SUCLG2: variants seen among roughly 807,000 people sequenced by gnomAD.
SUCLG2 encodes the protein succinate-CoA ligase GDP-forming subunit beta, also known as succinate--CoA ligase [GDP-forming] subunit beta, mitochondrial.
SUCLG2 carries 42 observed loss-of-function variants against 47.9 expected under a neutral mutation model. The ratio of observed to expected loss-of-function variants is 0.88; its 90% CI spans 0.69 to 1.14. The LOEUF is 1.14. Ranked by LOEUF, SUCLG2 falls within the 50% of genes most tolerant of loss-of-function variation. The pLI is 0.00. For missense variants in SUCLG2, 571 were observed against 525.9 expected (o/e 1.09, Z -0.84); for synonymous variants, 195 against 197.3 (o/e 0.99, Z 0.10).
chr3:67,378,236 G>A (rs775289566), intron 10 of SUCLG2, among the ~76,000 whole-genome samples: 8 of 152,144 alleles, frequency 5.3e-5, no homozygotes, highest in Admixed American at 1.3e-4. Context: ...TGTAGAATCC[G>A]TCCCCCTTGA....
rs1703823359 is a variant in SUCLG2 at position 67,443,302 on chromosome 3, G to T, written c.1063-42451C>A. 9.3e-5 allele frequency among the ~76,000 whole-genome samples: 2 copies of T among 21,452 alleles called. 1 individual carries two copies. The highest frequency in any genetic ancestry group is 2.8e-4 in the African/African-American group (2 of 7,170). The allele number at this position is 21,452 out of a possible 152,430, so 14.1% of individuals were successfully genotyped here. On this transcript the variant is annotated intron_variant, in intron 9 of 10. Transcript: ENST00000307227. ...TAGATCTCGGACCGCCGGGAGGATG[G>T]AGTTCAGCGGGCAGCGGAGCTGTCT... is the stretch of plus-strand genomic sequence containing the variant.
rs1252996294 is a variant in SUCLG2, at chr3:67,654,602, C to G, written c.-16G>C. On this transcript the variant is annotated 5_prime_UTR_variant, in exon 1 of 11. Transcript: ENST00000307227. ...GGGACGCCATCTTAAACAGGAAACT[C>G]GGCACGGGGCAGTAGGGCGGGCGCG... The G allele has an allele frequency of 1.3e-5, 16 of 1,266,518 alleles. No homozygotes were observed. Among genetic ancestry groups the G allele is most frequent in the African/African-American group, 3.0e-5 (2 of 65,594 alleles). 78.5% of individuals were successfully genotyped at this position (1,266,518 alleles called of 1,614,324 possible). A position where few individuals can be genotyped will look rare whatever the true frequency, so the allele number is the denominator to read the frequency against.
Position 67,445,838 on chromosome 3 carries a change from C to A in SUCLG2, c.1063-44987G>T, listed in dbSNP as rs1703914591. On this transcript the variant is annotated intron_variant, in intron 9 of 10. Coordinates refer to ENST00000307227, the MANE Select transcript of SUCLG2 (RefSeq NM_003848.4). ...CTCAACTGCAGCGACAAGTTCTGTG[C>A]TAATGAGTAACTTTCTTCAAAATGG... is the stretch of plus-strand genomic sequence containing the variant. Among the ~76,000 whole-genome samples, 2 of 53,740 alleles carry A rather than the reference C, an allele frequency of 3.7e-5. 1 individual carries two copies. The highest frequency in any genetic ancestry group is 7.8e-5 in the Non-Finnish European group (2 of 25,766). 35.3% of individuals were successfully genotyped at this position (53,740 alleles called of 152,430 possible).
intron 5 of SUCLG2, among the ~76,000 whole-genome samples, chr3:67,519,629 T>C (rs1182582529): frequency 6.6e-6 from 1 of 152,128 alleles, no homozygotes; most frequent in East Asian, 1.9e-4. Context: ...ATTTAAGAAA[T>C]AAAATCTCCC....
At chr3:67,372,865 G>A (rs1701972560), downstream of SUCLG2, among the ~76,000 whole-genome samples, 1 of 152,082 alleles carries the variant, frequency 6.6e-6, no homozygotes, top group Non-Finnish European at 1.5e-5. Flanking sequence ...AACCTTTTAT[G>A]TAAAGGGCCA....
At chr3:67,529,919 GC>G (rs1706355987) in intron 2 of SUCLG2, among the ~76,000 whole-genome samples, 1 of 152,146 alleles carries the variant, frequency 6.6e-6, no homozygotes, top group Non-Finnish European at 1.5e-5. Flanking sequence ...GCATGAAGTA[GC>G]CCAGTGACAA....
At chr3:67,514,823 TAAAAAG>T (rs1705897630) in intron 6 of SUCLG2, among the ~76,000 whole-genome samples, 1 of 152,148 alleles carries the variant, frequency 6.6e-6, no homozygotes, top group African/African-American at 2.4e-5. Context: ...TTAGATGACC[TAAAAAG>T]AAAGAGACAA....
intron 1 of SUCLG2, among the ~76,000 whole-genome samples, chr3:67,649,999 T>C (rs191573700): frequency 6.6e-6 from 1 of 152,320 alleles, no homozygotes; most frequent in African/African-American, 2.4e-5. Context: ...AAGAAATGCC[T>C]TATTTACAGC....
intron 9 of SUCLG2, among the ~76,000 whole-genome samples, chr3:67,424,428 G>GT (rs1703247954): frequency 6.6e-6 from 1 of 152,092 alleles, no homozygotes; most frequent in Non-Finnish European, 1.5e-5. Context: ...CTCCTAAAAT[G>GT]TAGGATGATG....
At chr3:67,376,596 G>A (rs1411115178) in intron 10 of SUCLG2, 1 of 760,054 alleles carries the variant, frequency 1.3e-6, no homozygotes, top group African/African-American at 1.9e-5. Context: ...GCAAGACAGA[G>A]CCTATTTATA....
At chr3:67,392,861 C>T (rs1420183515) in intron 10 of SUCLG2, among the ~76,000 whole-genome samples, 3 of 151,838 alleles carry the variant, frequency 2.0e-5, no homozygotes, top group African/African-American at 4.8e-5. Context: ...GTTGCCCAGA[C>T]TGGAGAATAT....
At chr3:67,401,619 C>G (rs1490265) in intron 9 of SUCLG2, among the ~76,000 whole-genome samples, 1 of 149,310 alleles carries the variant, frequency 6.7e-6, no homozygotes, top group South Asian at 2.1e-4. Flanking sequence ...GACTTGATAA[C>G]TAGGCATAAG....
At chr3:67,525,684 GA>G (rs1455991931) in intron 4 of SUCLG2, among the ~76,000 whole-genome samples, 2 of 151,602 alleles carry the variant, frequency 1.3e-5, no homozygotes, top group Non-Finnish European at 2.9e-5. Flanking sequence ...AAAACATCTA[GA>G]AAAAAACATG....
intron 1 of SUCLG2, among the ~76,000 whole-genome samples, chr3:67,647,214 G>A (rs1701208175): frequency 6.6e-6 from 1 of 152,154 alleles, no homozygotes; most frequent in South Asian, 2.1e-4. Context: ...CATGCCTTGT[G>A]CTTTGCCATG....
In SUCLG2 at chr3:67,537,595, T is replaced by A. The variant is rs150373466; in HGVS notation, c.227-8409A>T. Among the ~76,000 whole-genome samples, 677 of 152,294 alleles carry A rather than the reference T, an allele frequency of 4.4e-3. 8 individuals are homozygous for A. In the East Asian group the frequency reaches 0.054, roughly 12 times the overall value. Reference sequence around the variant, plus strand: ...TTTGGGTATACGCCCAGTAATGGGATTGCTTGGTCAAATGGCAATTTCTAG... The same window carrying A: ...TTTGGGTATACGCCCAGTAATGGGAATGCTTGGTCAAATGGCAATTTCTAG... On this transcript the variant is annotated intron_variant, in intron 2 of 10. Transcript: ENST00000307227.
At chr3:67,609,686 T>G in intron 1 of SUCLG2, 90 bp from the exon 2 acceptor site, 2 of 1,249,316 alleles carry the variant, frequency 1.6e-6, no homozygotes, top group South Asian at 3.4e-5. Context: ...GAGGTACTGT[T>G]GACTGGCAAT....
chr3:67,520,707 G>C, intron 4 of SUCLG2, 73 bp from the exon 5 acceptor site: 1 of 1,509,588 alleles, frequency 6.6e-7, no homozygotes, highest in Non-Finnish European at 8.9e-7. Flanking sequence ...ATACAAACTT[G>C]CTACACGAAT....
At chr3:67,475,315 C>T (rs371299093) in intron 9 of SUCLG2, among the ~76,000 whole-genome samples, 1 of 152,134 alleles carries the variant, frequency 6.6e-6, no homozygotes, top group East Asian at 1.9e-4. Flanking sequence ...TGTAAGAAAA[C>T]TGAGTGATTT....
At chr3:67,428,800 G>A (rs2106878105) in intron 9 of SUCLG2, among the ~76,000 whole-genome samples, 1 of 152,298 alleles carries the variant, frequency 6.6e-6, no homozygotes, top group South Asian at 2.1e-4. Flanking sequence ...ACTACATGAT[G>A]CATGCACAAG....
Sources: gnomAD v4.1 joint callset for allele counts (sites outside exome capture counted in the v4.1 genomes callset) on GRCh38, gnomAD v4.1.1 for gene constraint, MANE v1.5 for transcripts, NCBI Gene and HGNC (gene_info 2026-07-23, HGNC 2026-07-21) for gene names.